HERC3: variants seen among roughly 807,000 people sequenced by gnomAD.
HERC3 encodes probable E3 ubiquitin-protein ligase HERC3.
Under a neutral mutation model 129.9 loss-of-function variants are expected in HERC3, and 58 were observed. That is an observed-to-expected ratio of 0.45 (90% CI 0.36 to 0.56). The LOEUF (loss-of-function observed/expected upper bound fraction) is 0.56, where lower values mean the gene tolerates loss of function less well. Ranked by LOEUF, HERC3 falls within the 20% of genes least tolerant of loss-of-function variation. The pLI, the probability that HERC3 is intolerant of heterozygous loss-of-function variation, is 0.00. For synonymous variants in HERC3, 430 were observed against 451.0 expected (o/e 0.95, Z 0.59); for missense variants, 835 against 1,244.2 (o/e 0.67, Z 4.95).
At chr4:88,634,894 A>T (rs1248040575) in intron 3 of HERC3, among the ~76,000 whole-genome samples, 1 of 152,210 alleles carries the variant, frequency 6.6e-6, no homozygotes, top group Admixed American at 6.5e-5. Context: ...AACCCCCAGC[A>T]AACCGCAGCA....
chr4:88,665,249 C>T (rs1340373567), intron 12 of HERC3, among the ~76,000 whole-genome samples: 1 of 152,146 alleles, frequency 6.6e-6, no homozygotes, highest in Non-Finnish European at 1.5e-5. Context: ...CTGCCATAGG[C>T]ATCTGTAATC....
At chr4:88,695,736 G>T (rs916011200) in intron 23 of HERC3, among the ~76,000 whole-genome samples, 1 of 152,128 alleles carries the variant, frequency 6.6e-6, no homozygotes, top group Admixed American at 6.5e-5. Flanking sequence ...GGATTTATAT[G>T]TATTAATCCA....
chr4:88,532,073 C>T, the HERC3 span, among the ~76,000 whole-genome samples: 1 of 152,066 alleles, frequency 6.6e-6, no homozygotes, highest in African/African-American at 2.4e-5. Flanking sequence ...TACACTGAAC[C>T]CTGACTGGTC....
chr4:88,626,485 A>G lies in HERC3; in HGVS notation c.226+20436A>G, dbSNP rs139701321. ...ATTTTACTTTATTATTTGTTTTTTC[A>G]GCTTTATTGAGGTATAATTGACAAA... On this transcript the variant is annotated intron_variant, in intron 3 of 25. Coordinates refer to ENST00000402738, the MANE Select transcript of HERC3 (RefSeq NM_014606.3). Among the ~76,000 whole-genome samples the G allele has an allele frequency of 1.5e-3, 229 of 152,096 alleles. 1 individual carries two copies. The highest frequency in any genetic ancestry group is 5.2e-3 in the African/African-American group (215 of 41,508).
chr4:88,686,889 C>T, intron 22 of HERC3, 87 bp downstream of exon 22: 1 of 1,053,650 alleles, frequency 9.5e-7, no homozygotes, highest in Non-Finnish European at 1.5e-6. Context: ...TTCTTCAAAT[C>T]ATAGAAAAAA....
intron 6 of HERC3, 57 bp downstream of exon 6, chr4:88,653,147 T>C (rs1729476839): frequency 1.3e-6 from 2 of 1,529,468 alleles, no homozygotes; most frequent in Non-Finnish European, 9.0e-7. Flanking sequence ...ATTTAACACA[T>C]GCTTCTTGAG....
At chr4:88,613,733 G>C (rs931174166) in intron 3 of HERC3, among the ~76,000 whole-genome samples, 5 of 152,208 alleles carry the variant, frequency 3.3e-5, no homozygotes, top group South Asian at 2.1e-4. Flanking sequence ...GAAGTGTTCA[G>C]ATCTCAACAT....
chr4:88,669,940 A>G lies in HERC3; in HGVS notation c.1714A>G (p.Arg572Gly), dbSNP rs1731437728. ...TAAAGGTGCAGTCCTTTATCTACTG[A>G]GGGGAAGAAAGACATTCTTAATTCC... ...LYKGAVLYLL[R>G]GRKTFLIPVL... The change falls in exon 15 of 26, where the codon AGG (arginine) becomes GGG (glycine). Residue 572 changes from arginine to glycine, a missense_variant. Transcript: ENST00000402738. 6.2e-7 allele frequency: 1 copy of G among 1,613,538 alleles called. No homozygotes were observed. The highest frequency in any genetic ancestry group is 8.5e-7 in the Non-Finnish European group (1 of 1,179,648).
At chr4:88,704,324 C>G in intron 24 of HERC3, 43 bp downstream of exon 24, 1 of 1,586,802 alleles carries the variant, frequency 6.3e-7, no homozygotes, top group Non-Finnish European at 8.6e-7. Context: ...TCCGGCGAAG[C>G]AGCAGCAGCC....
At chr4:88,673,601 A>G (rs993292085) in intron 16 of HERC3, among the ~76,000 whole-genome samples, 1 of 152,216 alleles carries the variant, frequency 6.6e-6, no homozygotes, top group Non-Finnish European at 1.5e-5. Context: ...CTCAGGAGAT[A>G]ATCATGTATC....
At chr4:88,602,138 C>T (rs1007714429) in intron 2 of HERC3, among the ~76,000 whole-genome samples, 1 of 151,400 alleles carries the variant, frequency 6.6e-6, no homozygotes, top group African/African-American at 2.4e-5. Flanking sequence ...CCGTGGCTCA[C>T]ACCTGTGATC....
At chr4:88,595,841 CTTTTTTTT>C (rs532515500) in intron 2 of HERC3, among the ~76,000 whole-genome samples, 10 of 80,250 alleles carry the variant, frequency 1.2e-4, no homozygotes, top group African/African-American at 3.4e-4. Context: ...GCACTTAATT[CTTTTTTTT>C]TTTTTTTTTT....
intron 10 of HERC3, 87 bp from the exon 11 acceptor site, chr4:88,662,344 A>G (rs1428907191): frequency 2.2e-6 from 3 of 1,342,386 alleles, no homozygotes; most frequent in African/African-American, 1.5e-5. Flanking sequence ...AGTGAAACGT[A>G]AAATGGAGAA....
chr4:88,640,327 A>C (rs923144379), intron 3 of HERC3, among the ~76,000 whole-genome samples: 5 of 152,202 alleles, frequency 3.3e-5, no homozygotes, highest in Non-Finnish European at 7.3e-5. Context: ...ACCACCCCAA[A>C]TGCCCATCAA....
the HERC3 span, among the ~76,000 whole-genome samples, chr4:88,555,281 C>CAAAAAAAAAAA: frequency 9.1e-6 from 1 of 110,470 alleles, no homozygotes; most frequent in African/African-American, 3.0e-5. Context: ...GACTCCGTCT[C>CAAAAAAAAAAA]AAAAAAAAAA....
chr4:88,633,825 A>G (rs552172785), intron 3 of HERC3, among the ~76,000 whole-genome samples: 2 of 152,216 alleles, frequency 1.3e-5, no homozygotes, highest in Non-Finnish European at 2.9e-5. Context: ...AGAATACAAA[A>G]CATATATTAT....
At chr4:88,653,240 CTG>C (rs1729488135) in intron 6 of HERC3, 150 bp downstream of exon 6, 1 of 773,146 alleles carries the variant, frequency 1.3e-6, no homozygotes, top group East Asian at 2.7e-5. Context: ...TTAGTGGAGA[CTG>C]TATTCTAGTG....
the HERC3 span, among the ~76,000 whole-genome samples, chr4:88,579,236 T>A: frequency 5.4e-4 from 79 of 145,280 alleles, 2 homozygotes; most frequent in South Asian, 0.013. Flanking sequence ...AAAAAAAATA[T>A]ATATATATAT....
chr4:88,538,862 G>A, the HERC3 span, among the ~76,000 whole-genome samples: 1 of 151,988 alleles, frequency 6.6e-6, no homozygotes, highest in Non-Finnish European at 1.5e-5. Flanking sequence ...CTTTTTATAA[G>A]ACATCTGTCA....
Sources: allele counts gnomAD v4.1 joint callset (sites outside exome capture counted in the v4.1 genomes callset), GRCh38; gene constraint gnomAD v4.1.1; transcripts MANE v1.5; gene names NCBI Gene and HGNC (gene_info 2026-07-23, HGNC 2026-07-21).